The following MROH2A variants were observed in gnomAD, a reference collection of about 807,000 sequenced individuals.
MROH2A encodes the protein maestro heat like repeat family member 2A.
A neutral mutation model predicts 200.4 loss-of-function variants in MROH2A; 174 were observed. The ratio of observed to expected loss-of-function variants is 0.87; its 90% CI spans 0.77 to 0.98. MROH2A has a LOEUF of 0.98. MROH2A is among the 50% of genes least tolerant of loss of function. The pLI is 0.00. For synonymous variants in MROH2A, 829 were observed against 840.4 expected (o/e 0.99, Z 0.23); for missense variants, 2,045 against 2,139.6 (o/e 0.96, Z 0.87).
At chr2:233,776,109 G>A (rs1401327079), upstream of MROH2A, among the ~76,000 whole-genome samples, 1 of 152,126 alleles carries the variant, frequency 6.6e-6, no homozygotes, top group Admixed American at 6.5e-5. Context: ...CTTCATAGCA[G>A]TATGAAAATG....
chr2:233,810,087 C>T (rs1038581279), intron 22 of MROH2A, among the ~76,000 whole-genome samples: 2 of 152,170 alleles, frequency 1.3e-5, no homozygotes, highest in Non-Finnish European at 2.9e-5. Flanking sequence ...TTCTCAATAA[C>T]CTCTCCTGCC....
chr2:233,818,578 G>C (rs776279849), intron 28 of MROH2A, 74 bp from the exon 29 acceptor site: 1 of 920,372 alleles, frequency 1.1e-6, no homozygotes, highest in African/African-American at 1.7e-5. Flanking sequence ...AGCCAGGGCA[G>C]GAGGTAGCCA....
chr2:233,808,796 G>A (rs937870836), intron 21 of MROH2A, among the ~76,000 whole-genome samples: 4 of 152,182 alleles, frequency 2.6e-5, no homozygotes, highest in Non-Finnish European at 4.4e-5. Flanking sequence ...GTGAAGGTAT[G>A]AGGTGTGCAA....
rs1701968616 is a variant in MROH2A, at chr2:233,794,362, G to A, written c.823-1G>A. Reference sequence around the variant, plus strand: ...GTCCCAGAGCTGGTTTCTGGTGGCAGGTGAAGCTGGGGGTGATCAAGTCCC... The same window carrying A: ...GTCCCAGAGCTGGTTTCTGGTGGCAAGTGAAGCTGGGGGTGATCAAGTCCC... On this transcript the variant is annotated splice_acceptor_variant, in intron 7 of 41. Transcript: ENST00000389758. LOFTEE classifies it high-confidence loss of function. The A allele has an allele frequency of 1.3e-6, 2 of 1,549,668 alleles. No homozygotes were observed. Among genetic ancestry groups the A allele is most frequent in the African/African-American group, 1.4e-5 (1 of 73,010 alleles).
At chr2:233,810,773 C>T in intron 22 of MROH2A, 21 bp from the exon 23 acceptor site, 1 of 1,549,148 alleles carries the variant, frequency 6.5e-7, no homozygotes, top group East Asian at 2.4e-5. Context: ...TCTCTCCCTC[C>T]TTTTCCCCTT....
At chr2:233,831,305 G>A in intron 38 of MROH2A, 104 bp from the exon 39 acceptor site, 18 of 1,388,316 alleles carry the variant, frequency 1.3e-5, no homozygotes, top group Non-Finnish European at 1.6e-5. Flanking sequence ...CTTTGGCTTG[G>A]TGAGGCTTTT....
At position 233,805,054 on chromosome 2, in the gene MROH2A, C is replaced by CT. The variant is rs909940639; in HGVS notation, c.1997dup (p.Leu666PhefsTer3). 1.5e-5 allele frequency: 24 copies of CT among 1,550,364 alleles called. No homozygotes were observed. In the African/African-American group the frequency reaches 3.0e-4, roughly 19 times the overall value. ...CCCGGGGGTCTAGCTGGAGCCTGCGCTTGAGTAAAGAGCTGAACAACCAGA... is the reference window on the plus strand; with the variant it reads ...CCCGGGGGTCTAGCTGGAGCCTGCGCTTTGAGTAAAGAGCTGAACAACCAGA... On this transcript the variant is annotated frameshift_variant, in exon 19 of 42. Coordinates refer to ENST00000389758, the MANE Select transcript of MROH2A (RefSeq NM_001394639.1). LOFTEE classifies it high-confidence loss of function.
In MROH2A at chr2:233,822,325, T is replaced by G. The variant is rs73112649; in HGVS notation, c.3673-38T>G. ...GGCCCCAAGGCTCCTCAGGGGTCTC[T>G]GGGTAGGAGCCCGATGCCCTGGACC... On this transcript the variant is annotated intron_variant, in intron 32 of 41. Transcript: ENST00000389758. The G allele has an allele frequency of 6.0e-4, 923 of 1,548,460 alleles. 8 individuals are homozygous for G. The African/African-American group carries it at 0.011, about 19-fold the overall frequency.
rs1702883508 is a variant in MROH2A, at chr2:233,807,610, T to C, written c.2172+68T>C. 1.0e-5 allele frequency: 16 copies of C among 1,544,206 alleles called. No homozygotes were observed. The South Asian group carries it at 1.8e-4, about 17-fold the overall frequency. ...GGACCCTCGGGGACATGTGTGTTCA[T>C]GTGGCTGCATGCGTTTTGTGTGTGT... On this transcript the variant is annotated intron_variant, in intron 20 of 41. Coordinates refer to ENST00000389758, the MANE Select transcript of MROH2A (RefSeq NM_001394639.1). The surrounding 1 kb of genome is among the most constrained non-coding windows in gnomAD (Gnocchi z 4.3).
At position 233,807,419 on chromosome 2, in the gene MROH2A, C is replaced by A; in HGVS notation, c.2053-4C>A. 6.5e-7 allele frequency: 1 copy of A among 1,549,954 alleles called. No individual in the cohort carries two copies. Among genetic ancestry groups the A allele is most frequent in the East Asian group, 2.4e-5 (1 of 40,912 alleles). On this transcript the variant is annotated splice_polypyrimidine_tract_variant and splice_region_variant and intron_variant, in intron 19 of 41. Transcript: ENST00000389758. The surrounding 1 kb of genome is among the most constrained non-coding windows in gnomAD (Gnocchi z 4.3). Reference sequence around the variant, plus strand: ...GAGCTCCTTCCTCCCTTCTGCCTCTCCAGGGCTTTCTGTACCGGGCCTTGG... The same window carrying A: ...GAGCTCCTTCCTCCCTTCTGCCTCTACAGGGCTTTCTGTACCGGGCCTTGG...
At chr2:233,792,752 C>A (rs2126108384) in intron 5 of MROH2A, 44 bp from the exon 6 acceptor site, 1 of 1,286,430 alleles carries the variant, frequency 7.8e-7, no homozygotes. Context: ...TCTCTGCTCA[C>A]CCCCAGCCCC....
chr2:233,787,483 T>A (rs1251042127), intron 3 of MROH2A, among the ~76,000 whole-genome samples: 1 of 133,326 alleles, frequency 7.5e-6, no homozygotes, highest in African/African-American at 2.9e-5. Flanking sequence ...TATACATATA[T>A]AATATATATA....
chr2:233,785,002 C>T (rs1298021564), intron 3 of MROH2A, among the ~76,000 whole-genome samples: 1 of 152,034 alleles, frequency 6.6e-6, no homozygotes, highest in Non-Finnish European at 1.5e-5. Flanking sequence ...AAAAATTAGC[C>T]AGGCGTGGTG....
In MROH2A at chr2:233,822,470, C is replaced by T; in HGVS notation, c.3780C>T (p.Ser1260=). The change falls in exon 33 of 42, where the codon AGC becomes AGT. Residue 1260 remains serine (S), a synonymous_variant. Coordinates refer to ENST00000389758, the MANE Select transcript of MROH2A (RefSeq NM_001394639.1). ...CCCTCCTGCTGCAGCTTGGAAGCAG[C>T]CACCGACCAGAGGCCGCCCCGCCGG... ...IYTLLLQLGS[S]HRPEAAPPVL... The T allele has an allele frequency of 6.4e-7, 1 of 1,550,744 alleles. No individual in the cohort carries two copies. The highest frequency in any genetic ancestry group is 8.7e-7 in the Non-Finnish European group (1 of 1,147,052).
At chr2:233,796,781 A>T (rs542917203) in intron 11 of MROH2A, among the ~76,000 whole-genome samples, 4 of 152,310 alleles carry the variant, frequency 2.6e-5, no homozygotes, top group African/African-American at 9.6e-5. Flanking sequence ...GCCCCTGTTG[A>T]CAGCATGCAG....
At chr2:233,822,584 C>A in intron 33 of MROH2A, 28 bp downstream of exon 33, 1 of 1,542,212 alleles carries the variant, frequency 6.5e-7, no homozygotes, top group Non-Finnish European at 8.7e-7. Context: ...GGGTGCAAGG[C>A]AGCAGGCCTG....
intron 22 of MROH2A, among the ~76,000 whole-genome samples, chr2:233,809,917 CT>C (rs11367920): frequency 0.68 from 103,150 of 151,896 alleles, 35,201 homozygotes; most frequent in Middle Eastern, 0.72. Flanking sequence ...TTCCCTTCTC[CT>C]CCCAGCCCTG....
Position 233,822,132 on chromosome 2 carries a change from CA to C in MROH2A, c.3522del (p.Glu1175ArgfsTer20), listed in dbSNP as rs1398094080. 1 of 1,548,940 alleles carries C rather than the reference CA, an allele frequency of 6.5e-7. No homozygotes were observed. Among genetic ancestry groups the C allele is most frequent in the East Asian group, 2.4e-5 (1 of 40,892 alleles). On this transcript the variant is annotated frameshift_variant, in exon 32 of 42. Transcript: ENST00000389758. LOFTEE classifies it high-confidence loss of function. ...RQPLPMESHLAEVWLAVSENV... is the reference protein window; with the variant it reads ...RQPLPMESHLXEVWLAVSENV... ...GCCCTGACTTTGGTTAGCCACCTGG[CA>C]GAGGTGTGGCTGGCAGTGTCGGAGA... is the stretch of plus-strand genomic sequence containing the variant.
intron 37 of MROH2A, 151 bp from the exon 38 acceptor site, chr2:233,829,469 G>A (rs528541089): frequency 2.7e-4 from 203 of 741,752 alleles, no homozygotes; most frequent in Middle Eastern, 2.5e-3. Context: ...TGAGGGCTAC[G>A]TGATCCCTGC....
Sources: gnomAD v4.1 joint callset for allele counts (sites outside exome capture counted in the v4.1 genomes callset) on GRCh38, gnomAD v4.1.1 for gene constraint, Gnocchi (gnomAD v3.1) non-coding constraint, MANE v1.5 for transcripts, NCBI Gene and HGNC (gene_info 2026-07-23, HGNC 2026-07-21) for gene names.